GRM7: variants seen among roughly 807,000 people sequenced by gnomAD.
GRM7 encodes metabotropic glutamate receptor 7.
In GRM7, 35 loss-of-function variants were observed where a neutral mutation model predicts 84.5. The ratio of observed to expected loss-of-function variants is 0.41; its 90% CI spans 0.32 to 0.55. The LOEUF (loss-of-function observed/expected upper bound fraction) is 0.55, where lower values mean the gene tolerates loss of function less well. GRM7 is among the 20% of genes least tolerant of loss of function. The pLI is 0.19. For synonymous variants in GRM7, 487 were observed against 455.1 expected (o/e 1.07, Z -0.89); for missense variants, 1,003 against 1,194.6 (o/e 0.84, Z 2.36).
intron 4 of GRM7, among the ~76,000 whole-genome samples, chr3:7,378,430 C>T (rs941978780): frequency 7.2e-5 from 11 of 152,140 alleles, no homozygotes; most frequent in Non-Finnish European, 1.2e-4. Flanking sequence ...CTTGCATAAG[C>T]TAAACTGGGT....
intron 2 of GRM7, among the ~76,000 whole-genome samples, chr3:7,266,297 A>G (rs1698636251): frequency 6.6e-6 from 1 of 152,226 alleles, no homozygotes; most frequent in Non-Finnish European, 1.5e-5. Context: ...GTTACTGTTC[A>G]AAAGAAAGCA....
chr3:7,694,102 AG>A (rs1479005243), intron 9 of GRM7, among the ~76,000 whole-genome samples: 1 of 152,184 alleles, frequency 6.6e-6, no homozygotes, highest in African/African-American at 2.4e-5. Context: ...TTACAGGAAA[AG>A]AAAATCAAAT....
intron 1 of GRM7, among the ~76,000 whole-genome samples, chr3:7,016,010 T>C (rs889190003): frequency 1.3e-5 from 2 of 152,144 alleles, no homozygotes; most frequent in Non-Finnish European, 2.9e-5. Context: ...ACACCACAGG[T>C]AATAATTACC....
At chr3:7,052,955 A>G (rs997332008) in intron 1 of GRM7, among the ~76,000 whole-genome samples, 7 of 151,362 alleles carry the variant, frequency 4.6e-5, no homozygotes, top group African/African-American at 1.7e-4. Context: ...GTTTAACTTC[A>G]TAAGAAACTG....
chr3:7,284,153 A>G (rs1053348466), intron 2 of GRM7, among the ~76,000 whole-genome samples: 1 of 152,198 alleles, frequency 6.6e-6, no homozygotes, highest in African/African-American at 2.4e-5. Context: ...CTAATTTTTC[A>G]GATTTAATTA....
At chr3:6,923,369 A>T (rs939246489) in intron 1 of GRM7, among the ~76,000 whole-genome samples, 3 of 152,200 alleles carry the variant, frequency 2.0e-5, no homozygotes, top group Admixed American at 2.0e-4. Context: ...TAACATGAAG[A>T]AGTGGCCATT....
intron 1 of GRM7, among the ~76,000 whole-genome samples, chr3:6,957,846 G>T (rs1380658238): frequency 1.3e-5 from 2 of 152,162 alleles, no homozygotes; most frequent in Middle Eastern, 3.2e-3. Context: ...CCAGAGGAAA[G>T]ACATTATATA....
chr3:7,727,837 T>C (rs1166782460), intron 9 of GRM7, among the ~76,000 whole-genome samples: 1 of 152,144 alleles, frequency 6.6e-6, no homozygotes, highest in Admixed American at 6.6e-5. Context: ...AACCTTTCCA[T>C]CTCCCATGGC....
chr3:7,622,150 G>C (rs1575564670), intron 8 of GRM7, among the ~76,000 whole-genome samples: 1 of 152,090 alleles, frequency 6.6e-6, no homozygotes, highest in Admixed American at 6.6e-5. Context: ...CCCAAAAGCT[G>C]CAGACCAGAG....
At chr3:6,927,467 A>AAAGAAAGAAAGAAAGAAAGAT (rs1559333306) in intron 1 of GRM7, among the ~76,000 whole-genome samples, 4,685 of 41,724 alleles carry the variant, frequency 0.11, 135 homozygotes, top group Non-Finnish European at 0.22. Flanking sequence ...GAGAGAGAGA[A>AAAGAAAGAAAGAAAGAAAGAT]AGAAAGAAAG....
At chr3:7,651,790 G>A (rs4686150) in intron 8 of GRM7, among the ~76,000 whole-genome samples, 19 of 152,306 alleles carry the variant, frequency 1.2e-4, no homozygotes, top group Admixed American at 1.2e-3. Flanking sequence ...ACAGGAGGAA[G>A]CTTAATGGAT....
chr3:7,033,597 G>T (rs1485303454), intron 1 of GRM7, among the ~76,000 whole-genome samples: 5 of 152,150 alleles, frequency 3.3e-5, no homozygotes, highest in Non-Finnish European at 5.9e-5. Flanking sequence ...TTTATGAAAG[G>T]TTTTTTCCCC....
chr3:6,934,959 C>T (rs569134128), intron 1 of GRM7, among the ~76,000 whole-genome samples: 1 of 152,288 alleles, frequency 6.6e-6, no homozygotes, highest in Admixed American at 6.5e-5. Context: ...TCTCAGTGAA[C>T]ACTAACATTT....
chr3:7,371,216 A>G (rs1332409246), intron 4 of GRM7, among the ~76,000 whole-genome samples: 2 of 152,178 alleles, frequency 1.3e-5, no homozygotes, highest in African/African-American at 4.8e-5. Flanking sequence ...AAAGTGTTGT[A>G]GCCGTGGCAG....
chr3:7,637,290 T>G (rs1040172822), intron 8 of GRM7, among the ~76,000 whole-genome samples: 1 of 152,190 alleles, frequency 6.6e-6, no homozygotes, highest in Non-Finnish European at 1.5e-5. Flanking sequence ...ACTTTAGACA[T>G]GAGCCACCAT....
chr3:7,126,565 A>G (rs981795430), intron 1 of GRM7, among the ~76,000 whole-genome samples: 2 of 152,138 alleles, frequency 1.3e-5, no homozygotes, highest in African/African-American at 2.4e-5. Flanking sequence ...TTGTTGTTTG[A>G]TGTATGAGCT....
chr3:6,980,986 G>A (rs1396407543), intron 1 of GRM7, among the ~76,000 whole-genome samples: 3 of 152,132 alleles, frequency 2.0e-5, no homozygotes, highest in Admixed American at 6.5e-5. Context: ...AGTCTTGAAG[G>A]AACTAAACTT....
At chr3:7,623,467 A>T (rs1697458786) in intron 8 of GRM7, among the ~76,000 whole-genome samples, 2 of 152,176 alleles carry the variant, frequency 1.3e-5, no homozygotes. Flanking sequence ...AATTTTCATA[A>T]AGCTAGGCCA....
At chr3:6,899,647 C>G (rs1021095725) in intron 1 of GRM7, among the ~76,000 whole-genome samples, 1 of 152,278 alleles carries the variant, frequency 6.6e-6, no homozygotes, top group South Asian at 2.1e-4. Flanking sequence ...GAAATGTTTA[C>G]AGTGATTGGA....
Sources: gnomAD v4.1 joint callset for allele counts (sites outside exome capture counted in the v4.1 genomes callset) on GRCh38, gnomAD v4.1.1 for gene constraint, MANE v1.5 for transcripts, NCBI Gene and HGNC (gene_info 2026-07-23, HGNC 2026-07-21) for gene names.